Variants in FST observed in about 807,000 individuals in gnomAD.
FST encodes the protein follistatin.
Under a neutral mutation model 38.4 loss-of-function variants are expected in FST, and 6 were observed. The observed-to-expected ratio is 0.16, with a 90% CI of 0.09 to 0.31. FST has a LOEUF of 0.31. Among genes scored for constraint, FST ranks in the 10% least tolerant of loss-of-function variants. The pLI, the probability that FST is intolerant of heterozygous loss-of-function variation, is 1.00. For synonymous variants in FST, 157 were observed against 169.8 expected, an observed-to-expected ratio of 0.92 and a Z score of 0.59; for missense variants, 301 against 432.3, an observed-to-expected ratio of 0.70 and a Z score of 2.69.
rs553631661 is a variant in FST at position 53,484,721 on chromosome 5, C to G, written c.722-276C>G. Among the ~76,000 whole-genome samples, 7 of 152,158 alleles carry G rather than the reference C, an allele frequency of 4.6e-5. No individual in the cohort carries two copies. In the East Asian group the frequency reaches 1.4e-3, roughly 29 times the overall value. ...ATTTAACTTGAGAATATTGTAAAAT[C>G]CTGTTCTTAAAAAAATACCCTTTTA... On this transcript the variant is annotated intron_variant, in intron 4 of 5. Transcript: ENST00000256759.
chr5:53,484,807 A>G (rs1747449142), intron 4 of FST, among the ~76,000 whole-genome samples, 190 bp from the exon 5 acceptor site: 1 of 152,184 alleles, frequency 6.6e-6, no homozygotes, highest in South Asian at 2.1e-4. Flanking sequence ...GTGTGTGTGC[A>G]TTTGAGTTTC....
In FST at chr5:53,483,161, G is replaced by A; in HGVS notation, c.277+90G>A. ...CTACCTGACTGGGGTTTGGGAGTAG[G>A]AGAGCTTTGTTCCTGGGCTTCCCCT... On this transcript the variant is annotated intron_variant, in intron 2 of 5. Coordinates refer to ENST00000256759, the MANE Select transcript of FST (RefSeq NM_013409.3). The surrounding 1 kb of genome is among the most constrained non-coding windows in gnomAD (Gnocchi z 4.1). 1.1e-6 allele frequency: 1 copy of A among 878,938 alleles called. No individual in the cohort carries two copies. The highest frequency in any genetic ancestry group is 1.8e-6 in the Non-Finnish European group (1 of 543,726). 54.4% of individuals were successfully genotyped at this position (878,938 alleles called of 1,614,324 possible).
Position 53,485,205 on chromosome 5 carries a change from A to G in FST, c.930A>G (p.Val310=). ...GCTCCTCAGGTGTGCTACTGGAAGTAAAGCACTCCGGATCTTGCAACTGTA... is the reference window on the plus strand; with the variant it reads ...GCTCCTCAGGTGTGCTACTGGAAGTGAAGCACTCCGGATCTTGCAACTGTA... The part of the protein sequence containing the change: ...AACSSGVLLE[V]KHSGSCNSIS... Residue 310 remains valine (V), a synonymous_variant, in exon 5 of 6, where the codon GTA becomes GTG. Transcript: ENST00000256759. 6.2e-7 allele frequency: 1 copy of G among 1,601,486 alleles called. No homozygotes were observed. Among genetic ancestry groups the G allele is most frequent in the Non-Finnish European group, 8.6e-7 (1 of 1,168,644 alleles).
rs1222935204 is a variant in FST at position 53,483,217 on chromosome 5, A to C, written c.277+146A>C. 1.5e-6 allele frequency: 1 copy of C among 648,560 alleles called. No individual in the cohort carries two copies. Among genetic ancestry groups the C allele is most frequent in the Non-Finnish European group, 2.7e-6 (1 of 367,218 alleles). The allele number at this position is 648,560 out of a possible 1,614,324, so 40.2% of individuals were successfully genotyped here. On this transcript the variant is annotated intron_variant, in intron 2 of 5. Transcript: ENST00000256759. This position sits in a 1 kb window ranked among gnomAD's most constrained non-coding sequence, Gnocchi z 4.1. Reference sequence around the variant, plus strand: ...TCCCTTGCCCTGGTAAGCCGTGCAGACTCTAATTCTGCCTGTTACAGGCTG... The same window carrying C: ...TCCCTTGCCCTGGTAAGCCGTGCAGCCTCTAATTCTGCCTGTTACAGGCTG...
chr5:53,480,833 G>C lies in FST; in HGVS notation c.42G>C (p.Leu14=). Reference sequence around the variant, plus strand: ...ACCAGCCGGGTGGGCTTTGCCTCCTGCTGCTGCTGCTCTGCCAGTTCATGG... The same window carrying C: ...ACCAGCCGGGTGGGCTTTGCCTCCTCCTGCTGCTGCTCTGCCAGTTCATGG... ...ARHQPGGLCL[L]LLLLCQFMED... The change falls in exon 1 of 6, where the codon CTG becomes CTC. Residue 14 remains leucine (L), a synonymous_variant. Transcript: ENST00000256759. 2.0e-6 allele frequency: 3 copies of C among 1,507,874 alleles called. No homozygotes were observed. Among genetic ancestry groups the C allele is most frequent in the Non-Finnish European group, 1.8e-6 (2 of 1,119,762 alleles). The allele number at this position is 1,507,874 out of a possible 1,614,324, so 93.4% of individuals were successfully genotyped here.
chr5:53,485,543 A>T, intron 5 of FST: 1 of 650,612 alleles, frequency 1.5e-6, no homozygotes. Context: ...AACTGCTTCA[A>T]AAGTTTTTTT....
rs748203740 is a variant in FST, at chr5:53,486,042, T to G, written c.*9T>G. On this transcript the variant is annotated 3_prime_UTR_variant, in exon 6 of 6. Transcript: ENST00000256759. ...CTATTCTAGAGTGGTAAACTCTCTA[T>G]AAGTGTTCAGTGTTGACATAGCCTT... 1.4e-5 allele frequency: 15 copies of G among 1,099,330 alleles called. No homozygotes were observed. Among genetic ancestry groups the G allele is most frequent in the East Asian group, 2.7e-5 (1 of 37,726 alleles). The allele number at this position is 1,099,330 out of a possible 1,614,324, so 68.1% of individuals were successfully genotyped here. A position where few individuals can be genotyped will look rare whatever the true frequency, so the allele number is the denominator to read the frequency against.
chr5:53,482,688 GCCTTCTTTTTCC>G (rs1277322669), intron 1 of FST, 180 bp from the exon 2 acceptor site: 26 of 506,376 alleles, frequency 5.1e-5, no homozygotes, highest in African/African-American at 4.8e-4. Flanking sequence ...CCCCTCCACT[GCCTTCTTTTTCC>G]ACCCCTCCAC....
chr5:53,484,323 G>C, intron 4 of FST, 30 bp downstream of exon 4: 1 of 1,603,490 alleles, frequency 6.2e-7, no homozygotes, highest in Non-Finnish European at 8.5e-7. Flanking sequence ...GAAGGAAAAA[G>C]AGAAAACAGG....
intron 1 of FST, among the ~76,000 whole-genome samples, chr5:53,481,502 C>A (rs1747215611): frequency 7.6e-6 from 1 of 132,362 alleles, no homozygotes; most frequent in Non-Finnish European, 1.6e-5. Context: ...ATTATTACCC[C>A]AAAGTGCTTT....
chr5:53,483,390 C>A lies in FST; in HGVS notation c.278-114C>A. On this transcript the variant is annotated intron_variant, in intron 2 of 5. Coordinates refer to ENST00000256759, the MANE Select transcript of FST (RefSeq NM_013409.3). The surrounding 1 kb of genome is among the most constrained non-coding windows in gnomAD (Gnocchi z 4.1). The stretch of plus-strand genomic sequence containing the variant: ...CAATATTCCAGGAGAGAGCCTGGGG[C>A]CCCTCCAGCGCAAACTCAGGGCTGC... 1 of 777,748 alleles carries A rather than the reference C, an allele frequency of 1.3e-6. No individual in the cohort carries two copies. The highest frequency in any genetic ancestry group is 2.1e-6 in the Non-Finnish European group (1 of 466,916). The allele number at this position is 777,748 out of a possible 1,614,324, so 48.2% of individuals were successfully genotyped here. A position where few individuals can be genotyped will look rare whatever the true frequency, so the allele number is the denominator to read the frequency against.
chr5:53,486,072 CAAAAAAAAAAAAAAAAAAAAAGA>C lies in FST; in HGVS notation c.*44_*66del, dbSNP rs1337402307. ...GTTCAGTGTTGACATAGCCTTTGTG[CAAAAAAAAAAAAAAAAAAAAAGA>C]AAAAGAAAAAAAGAAAAATATATTG... On this transcript the variant is annotated 3_prime_UTR_variant, in exon 6 of 6. Transcript: ENST00000256759. The C allele has an allele frequency of 7.8e-6, 2 of 254,894 alleles. No homozygotes were observed. The highest frequency in any genetic ancestry group is 1.3e-5 in the Non-Finnish European group (2 of 156,054). 15.8% of individuals were successfully genotyped at this position (254,894 alleles called of 1,614,324 possible). A position where few individuals can be genotyped will look rare whatever the true frequency, so the allele number is the denominator to read the frequency against.
In FST at chr5:53,486,674, G is replaced by A. The variant is rs1037834846; in HGVS notation, c.*641G>A. 6.6e-6 allele frequency: 1 copy of A among 152,222 alleles called. No individual in the cohort carries two copies. The highest frequency in any genetic ancestry group is 2.4e-5 in the African/African-American group (1 of 41,468). The allele number at this position is 152,222 out of a possible 1,614,324, so 9.4% of individuals were successfully genotyped here. ...CTCAAATACAAGGTACAGAAGATAAGCATCTTTGAGGAAACTCCTACTTCA... is the reference window on the plus strand; with the variant it reads ...CTCAAATACAAGGTACAGAAGATAAACATCTTTGAGGAAACTCCTACTTCA... On this transcript the variant is annotated 3_prime_UTR_variant, in exon 6 of 6. Coordinates refer to ENST00000256759, the MANE Select transcript of FST (RefSeq NM_013409.3).
intron 1 of FST, among the ~76,000 whole-genome samples, chr5:53,481,833 A>G (rs1324881022): frequency 1.3e-5 from 2 of 152,232 alleles, no homozygotes; most frequent in Admixed American, 6.5e-5. Context: ...TAGGTATGAG[A>G]TAGGTACTTA....
chr5:53,482,579 G>A (rs919496431), intron 1 of FST: 1 of 435,834 alleles, frequency 2.3e-6, no homozygotes, highest in Non-Finnish European at 4.0e-6. Context: ...TTGTGTCTGG[G>A]TCACTGGTAA....
rs1747546226 is a variant in FST at position 53,486,219 on chromosome 5, C to T, written c.*186C>T. 2.2e-6 allele frequency: 1 copy of T among 450,084 alleles called. No homozygotes were observed. The highest frequency in any genetic ancestry group is 2.1e-5 in the African/African-American group (1 of 48,632). 27.9% of individuals were successfully genotyped at this position (450,084 alleles called of 1,614,324 possible). On this transcript the variant is annotated 3_prime_UTR_variant, in exon 6 of 6. Transcript: ENST00000256759. ...CTCTCTCCCAGGCCACCTTGTTACT[C>T]ATTGGACACGGAGAGGCATTCATTG...
chr5:53,483,975 T>A lies in FST; in HGVS notation c.497-94T>A. 9.4e-7 allele frequency: 1 copy of A among 1,059,140 alleles called. No homozygotes were observed. The highest frequency in any genetic ancestry group is 1.5e-5 in the South Asian group (1 of 67,108). The allele number at this position is 1,059,140 out of a possible 1,614,324, so 65.6% of individuals were successfully genotyped here. On this transcript the variant is annotated intron_variant, in intron 3 of 5. Coordinates refer to ENST00000256759, the MANE Select transcript of FST (RefSeq NM_013409.3). The surrounding 1 kb of genome is among the most constrained non-coding windows in gnomAD (Gnocchi z 4.1). Reference sequence around the variant, plus strand: ...CCCTAAGTGCCTTTTGAAAGCTGGATGCTTCAGTGTCATGATTTCCTTGGT... The same window carrying A: ...CCCTAAGTGCCTTTTGAAAGCTGGAAGCTTCAGTGTCATGATTTCCTTGGT...
chr5:53,483,849 T>G lies in FST; in HGVS notation c.496+127T>G. 2 of 728,326 alleles carry G rather than the reference T, an allele frequency of 2.7e-6. No individual in the cohort carries two copies. The highest frequency in any genetic ancestry group is 4.6e-6 in the Non-Finnish European group (2 of 434,992). The allele number at this position is 728,326 out of a possible 1,614,324, so 45.1% of individuals were successfully genotyped here. ...AGTAAGAGCCTGATAATAGTAATAC[T>G]GAAACCAAATAAAGGAGTCCTTTTC... On this transcript the variant is annotated intron_variant, in intron 3 of 5. Coordinates refer to ENST00000256759, the MANE Select transcript of FST (RefSeq NM_013409.3). The surrounding 1 kb of genome is among the most constrained non-coding windows in gnomAD (Gnocchi z 4.1).
chr5:53,480,707 G>C lies in FST; in HGVS notation c.-85G>C. 3.7e-6 allele frequency: 1 copy of C among 269,620 alleles called. No homozygotes were observed. The highest frequency in any genetic ancestry group is 5.8e-6 in the Non-Finnish European group (1 of 172,878). 16.7% of individuals were successfully genotyped at this position (269,620 alleles called of 1,614,324 possible). On this transcript the variant is annotated 5_prime_UTR_variant, in exon 1 of 6. Transcript: ENST00000256759. ...GCTGCGCCCTCCGCCGCTGGCCTCT[G>C]CGACGCGCGCCGCTCGCCCGAGCCA... is the stretch of plus-strand genomic sequence containing the variant.
Sources: allele counts gnomAD v4.1 joint callset (sites outside exome capture counted in the v4.1 genomes callset), GRCh38; gene constraint gnomAD v4.1.1; non-coding constraint Gnocchi (gnomAD v3.1); transcripts MANE v1.5; gene names NCBI Gene and HGNC (gene_info 2026-07-23, HGNC 2026-07-21).